TBC1D32: variants seen among roughly 807,000 people sequenced by gnomAD.
TBC1D32 encodes the protein TBC1 domain family member 32, also known as protein broad-minded.
In TBC1D32, 151 loss-of-function variants were observed where a neutral mutation model predicts 170.3. That is an observed-to-expected ratio of 0.89 (90% confidence interval 0.78 to 1.01). The LOEUF is 1.01. Among genes scored for constraint, TBC1D32 ranks in the 50% least tolerant of loss-of-function variants. The pLI is 0.00. For synonymous variants in TBC1D32, 498 were observed against 488.0 expected (o/e 1.02, Z -0.27); for missense variants, 1,464 against 1,457.1 (o/e 1.00, Z -0.08).
intron 4 of TBC1D32, among the ~76,000 whole-genome samples, chr6:121,309,123 T>A (rs1807789713): frequency 6.6e-6 from 1 of 152,154 alleles, no homozygotes; most frequent in Non-Finnish European, 1.5e-5. Context: ...TATATTCATA[T>A]GAAAGAACTC....
At chr6:121,274,687 A>T (rs1801987389) in intron 15 of TBC1D32, among the ~76,000 whole-genome samples, 1 of 152,064 alleles carries the variant, frequency 6.6e-6, no homozygotes, top group Non-Finnish European at 1.5e-5. Context: ...ATTAAACACC[A>T]AAAAAAGACA....
chr6:121,111,047 C>T (rs1315192544), intron 29 of TBC1D32, among the ~76,000 whole-genome samples: 1 of 152,166 alleles, frequency 6.6e-6, no homozygotes, highest in Non-Finnish European at 1.5e-5. Context: ...AGAGATCATT[C>T]CGAAAACCCC....
intron 30 of TBC1D32, among the ~76,000 whole-genome samples, chr6:121,103,590 G>T (rs986147852): frequency 2.7e-5 from 3 of 113,126 alleles, no homozygotes; most frequent in African/African-American, 1.0e-4. Context: ...GTTGTAGGGA[G>T]GGGGGAGGGG....
intron 30 of TBC1D32, among the ~76,000 whole-genome samples, chr6:121,093,551 C>T (rs1010120623): frequency 1.3e-5 from 2 of 152,096 alleles, no homozygotes; most frequent in Admixed American, 1.3e-4. Context: ...AAACAGTTCC[C>T]ACTCAATTGT....
intron 2 of TBC1D32, among the ~76,000 whole-genome samples, chr6:121,318,375 C>T (rs1583731854): frequency 6.6e-6 from 1 of 151,960 alleles, no homozygotes; most frequent in Admixed American, 6.6e-5. Context: ...CTCAAGCATC[C>T]ATATGAATAT....
rs1313144037 is a variant in TBC1D32, at chr6:121,080,998, G to A, written c.3655-108C>T. 1.3e-5 allele frequency: 18 copies of A among 1,347,778 alleles called. No homozygotes were observed. In the East Asian group the frequency reaches 4.1e-4, roughly 31 times the overall value. 83.5% of individuals were successfully genotyped at this position (1,347,778 alleles called of 1,614,324 possible). A position where few individuals can be genotyped will look rare whatever the true frequency, so the allele number is the denominator to read the frequency against. ...CCATTTATTTTCAGCTATAGATGGG[G>A]TGGGCTGTTTATGTTGCCAGTAAAT... On this transcript the variant is annotated intron_variant, in intron 31 of 31. Coordinates refer to ENST00000398212, the MANE Select transcript of TBC1D32 (RefSeq NM_152730.6).
At chr6:121,173,438 G>A (rs748876728) in intron 22 of TBC1D32, among the ~76,000 whole-genome samples, 1 of 151,852 alleles carries the variant, frequency 6.6e-6, no homozygotes, top group Admixed American at 6.6e-5. Flanking sequence ...AAAGAACCCT[G>A]ACCAATATGA....
chr6:121,203,844 C>T (rs912971797), intron 22 of TBC1D32, among the ~76,000 whole-genome samples: 2 of 151,160 alleles, frequency 1.3e-5, no homozygotes, highest in Non-Finnish European at 2.9e-5. Context: ...TATGAGAAAG[C>T]ACATACTATG....
intron 22 of TBC1D32, among the ~76,000 whole-genome samples, chr6:121,178,687 T>C (rs1043476206): frequency 1.3e-5 from 2 of 152,128 alleles, no homozygotes; most frequent in East Asian, 1.9e-4. Context: ...GAGTATGGTA[T>C]AGGTGATACA....
At chr6:121,126,014 C>T (rs1283033268) in intron 26 of TBC1D32, among the ~76,000 whole-genome samples, 1 of 152,082 alleles carries the variant, frequency 6.6e-6, no homozygotes, top group Admixed American at 6.5e-5. Context: ...TATAGTAGAT[C>T]TTTGAGTGAA....
At chr6:121,177,085 G>A (rs1336339490) in intron 22 of TBC1D32, among the ~76,000 whole-genome samples, 1 of 152,024 alleles carries the variant, frequency 6.6e-6, no homozygotes, top group South Asian at 2.1e-4. Context: ...TAAATACTAT[G>A]TGTGAATAAG....
chr6:121,142,802 C>T (rs1054254259), intron 24 of TBC1D32, among the ~76,000 whole-genome samples: 7 of 152,098 alleles, frequency 4.6e-5, no homozygotes, highest in Middle Eastern at 3.4e-3. Context: ...TAATAACTCC[C>T]GGGAAATCTA....
chr6:121,174,848 T>C (rs897766090), intron 22 of TBC1D32, among the ~76,000 whole-genome samples: 4 of 151,874 alleles, frequency 2.6e-5, no homozygotes, highest in African/African-American at 4.8e-5. Flanking sequence ...CTGGGCAACA[T>C]AGCAAAACCT....
chr6:121,161,097 G>T (rs1251583080), intron 22 of TBC1D32, 41 bp from the exon 23 acceptor site: 4 of 1,413,536 alleles, frequency 2.8e-6, no homozygotes, highest in South Asian at 2.5e-5. Flanking sequence ...CCTTTTGATT[G>T]AATATGTGTT....
intron 21 of TBC1D32, among the ~76,000 whole-genome samples, chr6:121,214,444 G>T (rs891141302): frequency 5.3e-5 from 8 of 152,206 alleles, no homozygotes; most frequent in African/African-American, 1.4e-4. Flanking sequence ...GAGTGAATGA[G>T]CATGGGGTCC....
upstream of TBC1D32, chr6:121,334,647 G>T (rs1056160871): frequency 2.0e-5 from 12 of 594,012 alleles, no homozygotes; most frequent in Non-Finnish European, 3.6e-5. Context: ...GCGAGGTCTC[G>T]CCTCTGGTAC....
intron 24 of TBC1D32, among the ~76,000 whole-genome samples, chr6:121,145,325 G>T (rs540846115): frequency 3.0e-4 from 45 of 152,264 alleles, no homozygotes; most frequent in African/African-American, 9.6e-4. Context: ...CAACATGGAT[G>T]AACCTTGAGG....
intron 15 of TBC1D32, among the ~76,000 whole-genome samples, chr6:121,275,089 A>T (rs1397402385): frequency 6.6e-6 from 1 of 152,220 alleles, no homozygotes; most frequent in African/African-American, 2.4e-5. Flanking sequence ...AAAACATTAA[A>T]TAAGTCGATT....
chr6:121,232,764 G>C lies in TBC1D32; in HGVS notation c.2364+6306C>G, dbSNP rs181685402. Reference sequence around the variant, plus strand: ...TTATTTCTTTTTTCCTGCTGGGTTTGGTTTTGGATTATTCTTGTTTCTCTA... The same window carrying C: ...TTATTTCTTTTTTCCTGCTGGGTTTCGTTTTGGATTATTCTTGTTTCTCTA... On this transcript the variant is annotated intron_variant, in intron 20 of 31. Coordinates refer to ENST00000398212, the MANE Select transcript of TBC1D32 (RefSeq NM_152730.6). Among the ~76,000 whole-genome samples, 6 of 151,932 alleles carry C rather than the reference G, an allele frequency of 3.9e-5. No individual in the cohort carries two copies. In the East Asian group the frequency reaches 1.2e-3, roughly 29 times the overall value.
Sources: gnomAD v4.1 joint callset for allele counts (sites outside exome capture counted in the v4.1 genomes callset) on GRCh38, gnomAD v4.1.1 for gene constraint, MANE v1.5 for transcripts, NCBI Gene and HGNC (gene_info 2026-07-23, HGNC 2026-07-21) for gene names.